Variants in PNMA6E observed in about 807,000 individuals in gnomAD.
PNMA6E encodes the protein paraneoplastic antigen Ma6E.
For synonymous variants in PNMA6E, 43 were observed against 17.1 expected (o/e 2.52, Z -3.74); for missense variants, 78 against 50.8 (o/e 1.53, Z -1.63).
the PNMA6E span, among the ~76,000 whole-genome samples, chrX:153,413,934 G>A: frequency 8.9e-6 from 1 of 112,449 alleles, no homozygotes; most frequent in East Asian, 2.8e-4. Flanking sequence ...ACTTGAGTGC[G>A]GGTCTCCGTC....
At chrX:153,409,077 G>A in the PNMA6E span, among the ~76,000 whole-genome samples, 1 of 112,988 alleles carries the variant, frequency 8.9e-6, no homozygotes, top group Non-Finnish European at 1.9e-5. Context: ...GACCTGGCGG[G>A]TGCCCACGGC....
chrX:153,412,211 C>G, the PNMA6E span, among the ~76,000 whole-genome samples: 4 of 112,357 alleles, frequency 3.6e-5, no homozygotes, highest in African/African-American at 9.7e-5. Flanking sequence ...ACTGGCATGC[C>G]ACGGAAAAGC....
chrX:153,399,142 CT>C (rs1214782668), intron 1 of PNMA6E, among the ~76,000 whole-genome samples: 6 of 112,118 alleles, frequency 5.4e-5, no homozygotes, highest in African/African-American at 1.9e-4. Context: ...TAGTAAGTTA[CT>C]TTTTTTCCCC....
chrX:153,402,256 T>A (rs556034279), upstream of PNMA6E, among the ~76,000 whole-genome samples: 65 of 112,256 alleles, frequency 5.8e-4, 1 homozygote, highest in South Asian at 0.022. Context: ...TGTTATTGGG[T>A]GCAAACATAT....
chrX:153,409,820 C>G, the PNMA6E span, among the ~76,000 whole-genome samples: 9 of 112,080 alleles, frequency 8.0e-5, no homozygotes, highest in Non-Finnish European at 1.7e-4. Flanking sequence ...GCAGGTTGGC[C>G]GCTCACACTC....
rs1464008839 is a variant in PNMA6E at position 153,396,719 on chromosome X, C to T, written c.*187G>A. 7.0e-6 allele frequency: 2 copies of T among 284,627 alleles called. No individual in the cohort carries two copies. Among genetic ancestry groups the T allele is most frequent in the Non-Finnish European group, 1.2e-5 (2 of 162,911 alleles). The allele number at this position is 284,627 out of a possible 1,213,427, so 23.5% of individuals were successfully genotyped here. On this transcript the variant is annotated 3_prime_UTR_variant, in exon 2 of 2. Transcript: ENST00000445091. The stretch of plus-strand genomic sequence containing the variant: ...GAGCGGGGGGGCGCCTCTCCCCACC[C>T]CATTTTGTATCAAACGTGGTCATCC...
upstream of PNMA6E, among the ~76,000 whole-genome samples, chrX:153,404,636 G>T (rs1215064609): frequency 8.9e-6 from 1 of 112,068 alleles, no homozygotes; most frequent in Non-Finnish European, 1.9e-5. Context: ...GGCATCAGCT[G>T]AAACCTCTGC....
the PNMA6E span, among the ~76,000 whole-genome samples, chrX:153,409,768 G>T: frequency 1.3e-4 from 14 of 111,908 alleles, no homozygotes; most frequent in African/African-American, 4.5e-4. Flanking sequence ...ACTCCCAGGG[G>T]CCCCCTTCCC....
At chrX:153,412,977 A>C in the PNMA6E span, among the ~76,000 whole-genome samples, 1 of 111,408 alleles carries the variant, frequency 9.0e-6, no homozygotes, top group Non-Finnish European at 1.9e-5. Context: ...GGCTGCATGG[A>C]GGGCCCCGGT....
chrX:153,399,350 T>A (rs1308367201), intron 1 of PNMA6E, among the ~76,000 whole-genome samples: 1 of 110,404 alleles, frequency 9.1e-6, no homozygotes, highest in Admixed American at 9.7e-5. Flanking sequence ...TTTTTGTTTG[T>A]TTGTTTGTTT....
chrX:153,410,317 C>T, the PNMA6E span, among the ~76,000 whole-genome samples: 9 of 111,975 alleles, frequency 8.0e-5, no homozygotes, highest in Admixed American at 5.6e-4. Flanking sequence ...GCCCTGATCA[C>T]AGTGCCTGGG....
intron 1 of PNMA6E, among the ~76,000 whole-genome samples, 178 bp downstream of exon 1, chrX:153,401,066 C>T (rs969730353): frequency 1.1e-4 from 12 of 109,155 alleles, no homozygotes; most frequent in Middle Eastern, 4.7e-3. Context: ...GTGACAGCCA[C>T]GCCGCACCTA....
the PNMA6E span, among the ~76,000 whole-genome samples, chrX:153,409,160 G>C: frequency 8.8e-6 from 1 of 113,214 alleles, no homozygotes; most frequent in African/African-American, 3.2e-5. Flanking sequence ...TGCCCGTCCT[G>C]GGCCAGCCTA....
chrX:153,398,643 G>A lies in PNMA6E; in HGVS notation c.207C>T (p.Phe69=), dbSNP rs184234458. ...TCAAGCTTCGGTTTAAATACTCAGC[G>A]AACTCCACCAAGGCTGCCTTGGCCC... The part of the protein sequence containing the change: ...ELGAKAALVE[F]AEYLNRSLIP... Residue 69 remains phenylalanine, a synonymous_variant, in exon 2 of 2, where the codon TTC becomes TTT. Transcript: ENST00000445091. 8 of 330,945 alleles carry A rather than the reference G, an allele frequency of 2.4e-5. No individual in the cohort carries two copies. The highest frequency in any genetic ancestry group is 5.2e-5 in the Admixed American group (1 of 19,159). The allele number at this position is 330,945 out of a possible 1,213,427, so 27.3% of individuals were successfully genotyped here.
rs1556970155 is a variant in PNMA6E at position 153,396,143 on chromosome X, C to T, written c.*763G>A. 1 of 122,805 alleles carries T rather than the reference C, an allele frequency of 8.1e-6. No individual in the cohort carries two copies. Among genetic ancestry groups the T allele is most frequent in the Non-Finnish European group, 1.9e-5 (1 of 53,232 alleles). The allele number at this position is 122,805 out of a possible 1,213,427, so 10.1% of individuals were successfully genotyped here. The stretch of plus-strand genomic sequence containing the variant: ...AGCGTCCGCCGTGCCCTGGTGCCTC[C>T]TTCCCGCCATCTCCTGGGACTGCGC... On this transcript the variant is annotated 3_prime_UTR_variant, in exon 2 of 2. Coordinates refer to ENST00000445091, the MANE Select transcript of PNMA6E (RefSeq NM_001367770.1).
In PNMA6E at chrX:153,400,747, C is replaced by T. The variant is rs781887030; in HGVS notation, c.-72+497G>A. ...CTCAGACCCAGGCTGGGCCGCCCTC[C>T]GTCCCGCCCCACGCTTGGAGCCCGC... On this transcript the variant is annotated intron_variant, in intron 1 of 1. Transcript: ENST00000445091. Among the ~76,000 whole-genome samples, 184 of 110,356 alleles carry T rather than the reference C, an allele frequency of 1.7e-3. 1 individual carries two copies. The highest frequency in any genetic ancestry group is 5.8e-3 in the African/African-American group (175 of 30,337).
the PNMA6E span, among the ~76,000 whole-genome samples, chrX:153,410,524 GC>G: frequency 8.9e-6 from 1 of 111,806 alleles, no homozygotes; most frequent in Admixed American, 9.3e-5. Context: ...CCTGCACTGG[GC>G]CCCCTGGGGG....
At chrX:153,402,122 C>T (rs1556971525), upstream of PNMA6E, among the ~76,000 whole-genome samples, 1 of 111,341 alleles carries the variant, frequency 9.0e-6, no homozygotes, top group Non-Finnish European at 1.9e-5. Context: ...TTATTGATCC[C>T]TTTTCTAGCA....
the PNMA6E span, among the ~76,000 whole-genome samples, chrX:153,409,154 C>G: frequency 8.8e-6 from 1 of 113,107 alleles, no homozygotes; most frequent in Non-Finnish European, 1.9e-5. Flanking sequence ...CTCACCTGCC[C>G]GTCCTGGGCC....
Sources: allele counts gnomAD v4.1 joint callset (sites outside exome capture counted in the v4.1 genomes callset), GRCh38; gene constraint gnomAD v4.1.1; transcripts MANE v1.5; gene names NCBI Gene and HGNC (gene_info 2026-07-23, HGNC 2026-07-21).